STK3: variants seen among roughly 807,000 people sequenced by gnomAD.
STK3 encodes the protein serine/threonine kinase 3.
In STK3, 41 loss-of-function variants were observed where a neutral mutation model predicts 58.0. That is an observed-to-expected ratio of 0.71 (90% CI 0.55 to 0.92). The LOEUF (loss-of-function observed/expected upper bound fraction) is 0.92. Among genes scored for constraint, STK3 ranks in the 40% least tolerant of loss-of-function variants. STK3 has a pLI of 0.00. For missense variants in STK3, 479 were observed against 602.7 expected (o/e 0.79, Z 2.15); for synonymous variants, 170 against 191.0 (o/e 0.89, Z 0.91).
At chr8:98,814,793 T>A (rs563898816) in intron 1 of STK3, among the ~76,000 whole-genome samples, 1 of 152,266 alleles carries the variant, frequency 6.6e-6, no homozygotes, top group African/African-American at 2.4e-5. Context: ...CAGGTGATGC[T>A]CCCACCTCAG....
chr8:98,826,122 A>AGCTG (rs1442582919), upstream of STK3, among the ~76,000 whole-genome samples: 1 of 152,270 alleles, frequency 6.6e-6, no homozygotes, highest in Non-Finnish European at 1.5e-5. Flanking sequence ...AGTCCCTCTG[A>AGCTG]GCTGGCCCAG....
At chr8:98,381,014 A>G (rs1248088930) in intron 1 of STK3, among the ~76,000 whole-genome samples, 1 of 112,086 alleles carries the variant, frequency 8.9e-6, no homozygotes, top group African/African-American at 3.6e-5. Context: ...CCTTTTTCCC[A>G]GGCTGGAGTG....
chr8:98,543,093 T>TG (rs1321565556), intron 9 of STK3, among the ~76,000 whole-genome samples: 1 of 152,142 alleles, frequency 6.6e-6, no homozygotes, highest in African/African-American at 2.4e-5. Context: ...ATTCCTAACC[T>TG]GGGGTTGATA....
chr8:98,601,218 T>C (rs980437380), intron 6 of STK3, among the ~76,000 whole-genome samples: 2 of 152,078 alleles, frequency 1.3e-5, no homozygotes, highest in Admixed American at 1.3e-4. Flanking sequence ...TTAAAAATTA[T>C]ACTCGCAATT....
At chr8:98,658,703 G>C (rs191862945) in intron 6 of STK3, among the ~76,000 whole-genome samples, 79 of 151,932 alleles carry the variant, frequency 5.2e-4, no homozygotes, top group African/African-American at 1.7e-3. Flanking sequence ...GTTTCAAGAG[G>C]ATTCTTAAAT....
intron 6 of STK3, among the ~76,000 whole-genome samples, chr8:98,610,194 GAA>G (rs35430518): frequency 4.8e-5 from 7 of 145,934 alleles, no homozygotes; most frequent in Admixed American, 1.4e-4. Context: ...TTTCAAAACA[GAA>G]AAAAAAAAAC....
intron 6 of STK3, among the ~76,000 whole-genome samples, chr8:98,607,377 C>T (rs939699371): frequency 2.0e-5 from 3 of 152,154 alleles, no homozygotes; most frequent in African/African-American, 7.2e-5. Context: ...AAAGCAATGA[C>T]AGATAAAATT....
In STK3 at chr8:98,512,127, C is replaced by G. The variant is rs1161763652; in HGVS notation, c.1317+14615G>C. Among the ~76,000 whole-genome samples the G allele has an allele frequency of 2.6e-5, 4 of 152,092 alleles. No homozygotes were observed. In the East Asian group the frequency reaches 5.8e-4, roughly 22 times the overall value. On this transcript the variant is annotated intron_variant, in intron 10 of 10. Coordinates refer to ENST00000419617, the MANE Select transcript of STK3 (RefSeq NM_006281.4). ...CTAATGCTATCCCTCCCTCCTCCCC[C>G]CACCACACAACAGGCTCCGGATTGT...
intron 8 of STK3, among the ~76,000 whole-genome samples, chr8:98,568,068 G>GATAA (rs924820177): frequency 3.3e-5 from 2 of 59,804 alleles, no homozygotes; most frequent in Admixed American, 1.6e-4. Context: ...ATAGATGATA[G>GATAA]ATAGATAGAT....
intron 6 of STK3, among the ~76,000 whole-genome samples, chr8:98,614,564 G>C (rs1414198888): frequency 6.6e-6 from 1 of 152,158 alleles, no homozygotes; most frequent in Non-Finnish European, 1.5e-5. Flanking sequence ...CATCTCACTA[G>C]GGAGTGCCAG....
intron 6 of STK3, among the ~76,000 whole-genome samples, chr8:98,689,331 C>A (rs1265406405): frequency 6.6e-6 from 1 of 152,104 alleles, no homozygotes; most frequent in Non-Finnish European, 1.5e-5. Flanking sequence ...CCTAATAAAA[C>A]TATTACAAAA....
In STK3 at chr8:98,621,983, AT is replaced by A. The variant is rs1818362889; in HGVS notation, c.685-25815del. Among the ~76,000 whole-genome samples the A allele has an allele frequency of 2.0e-5, 3 of 151,762 alleles. No homozygotes were observed. In the South Asian group the frequency reaches 6.3e-4, roughly 32 times the overall value. On this transcript the variant is annotated intron_variant, in intron 6 of 10. Transcript: ENST00000419617. Reference sequence around the variant, plus strand: ...CTACATACAAAAAAAAAAATCAGACATTGGGCACGGTGGCTAACGCCTGTAA... The same window carrying A: ...CTACATACAAAAAAAAAAATCAGACATGGGCACGGTGGCTAACGCCTGTAA...
chr8:98,603,855 C>T (rs565225958), intron 6 of STK3, among the ~76,000 whole-genome samples: 37 of 152,188 alleles, frequency 2.4e-4, no homozygotes, highest in Non-Finnish European at 4.6e-4. Flanking sequence ...GCCCCCACCC[C>T]GCAAGATGTC....
chr8:98,649,635 G>C (rs1393107296), intron 6 of STK3, among the ~76,000 whole-genome samples: 1 of 152,072 alleles, frequency 6.6e-6, no homozygotes, highest in Admixed American at 6.5e-5. Context: ...AGTAGCTTTA[G>C]AATTTATTTT....
the STK3 span, among the ~76,000 whole-genome samples, chr8:98,365,207 T>A: frequency 3.3e-5 from 5 of 152,234 alleles, no homozygotes; most frequent in Admixed American, 3.3e-4. Flanking sequence ...AATCATGTAA[T>A]TTTTTCCCAG....
downstream of STK3, among the ~76,000 whole-genome samples, chr8:98,370,378 T>C (rs1817599439): frequency 6.6e-6 from 1 of 151,588 alleles, no homozygotes. Context: ...TGTGTGTGTG[T>C]GTGTGTATCC....
rs553172677 is a variant in STK3, at chr8:98,745,581, A to G, written c.351+3695T>C. ...AAACAAAATATTAAAAAAAGAAAAA[A>G]GAAGAGGTAAGCCTAGCAATAAGGG... On this transcript the variant is annotated intron_variant, in intron 4 of 10. Coordinates refer to ENST00000419617, the MANE Select transcript of STK3 (RefSeq NM_006281.4). Among the ~76,000 whole-genome samples the G allele has an allele frequency of 5.9e-5, 9 of 152,344 alleles. No individual in the cohort carries two copies. The South Asian group carries it at 1.2e-3, about 21-fold the overall frequency.
chr8:98,432,099 C>T (rs1818342586), intron 3 of STK3: 1 of 166,948 alleles, frequency 6.0e-6, no homozygotes, highest in African/African-American at 2.4e-5. Flanking sequence ...AGGTGCTCTC[C>T]ACTGGGTCTT....
At chr8:98,589,717 T>C (rs1052407567) in intron 7 of STK3, among the ~76,000 whole-genome samples, 4 of 152,216 alleles carry the variant, frequency 2.6e-5, no homozygotes, top group African/African-American at 7.2e-5. Flanking sequence ...CCTTGCAGTT[T>C]GATCTCAGAC....
Sources: allele counts gnomAD v4.1 joint callset (sites outside exome capture counted in the v4.1 genomes callset), GRCh38; gene constraint gnomAD v4.1.1; transcripts MANE v1.5; gene names NCBI Gene and HGNC (gene_info 2026-07-23, HGNC 2026-07-21).